The following PRCC variants were observed in gnomAD, a reference collection of about 807,000 sequenced individuals.
PRCC encodes proline rich mitotic checkpoint control factor.
PRCC carries 10 observed loss-of-function variants against 44.0 expected under a neutral mutation model. The observed-to-expected ratio is 0.23, with a 90% CI of 0.14 to 0.39. The LOEUF is 0.39. Among genes scored for constraint, PRCC ranks in the 10% least tolerant of loss-of-function variants. The pLI is 1.00. For missense variants in PRCC, 573 were observed against 624.7 expected (o/e 0.92, Z 0.88); for synonymous variants, 278 against 259.5 (o/e 1.07, Z -0.69).
At chr1:156,782,407 G>A in intron 2 of PRCC, 78 bp downstream of exon 2, 1 of 1,358,906 alleles carries the variant, frequency 7.4e-7, no homozygotes. Flanking sequence ...GTATCCAGCA[G>A]TTTTCAGATT....
At chr1:156,779,782 A>C (rs1333015835) in intron 1 of PRCC, among the ~76,000 whole-genome samples, 1 of 151,790 alleles carries the variant, frequency 6.6e-6, no homozygotes, top group South Asian at 2.1e-4. Context: ...GGGTCTCACT[A>C]TGTTGACCAG....
At chr1:156,771,290 T>C (rs535997366) in intron 1 of PRCC, among the ~76,000 whole-genome samples, 2 of 152,218 alleles carry the variant, frequency 1.3e-5, no homozygotes, top group African/African-American at 2.4e-5. Flanking sequence ...GGCCAGATAA[T>C]GGGCCTTGGA....
chr1:156,776,679 A>G (rs1216242930), intron 1 of PRCC, among the ~76,000 whole-genome samples: 1 of 152,202 alleles, frequency 6.6e-6, no homozygotes, highest in African/African-American at 2.4e-5. Context: ...ATGCTTGTAT[A>G]GTTTTATAAA....
In PRCC at chr1:156,768,224, G is replaced by A. The variant is rs746091036; in HGVS notation, c.453G>A (p.Glu151=). ...AGCCCGTGAAGATCGCGGCGCCGGA[G>A]TTGCATAAGGGAGATGTGAGTATCC... ...RKEPVKIAAP[E]LHKGDSDSEE... The change falls in exon 1 of 7, where the codon GAG becomes GAA. Residue 151 remains glutamate (E), a synonymous_variant. Transcript: ENST00000271526. 5.8e-6 allele frequency: 9 copies of A among 1,538,776 alleles called. No homozygotes were observed. In the South Asian group the frequency reaches 6.0e-5, roughly 10 times the overall value.
At chr1:156,797,377 T>G in intron 6 of PRCC, 36 bp downstream of exon 6, 3 of 1,611,464 alleles carry the variant, frequency 1.9e-6, no homozygotes, top group Non-Finnish European at 2.5e-6. Flanking sequence ...TCAGGCAGGA[T>G]CTCTGTAAAT....
At chr1:156,791,364 T>TAGAGGTA (rs1345734101) in intron 3 of PRCC, 3 of 471,444 alleles carry the variant, frequency 6.4e-6, no homozygotes, top group Non-Finnish European at 1.2e-5. Flanking sequence ...GAGGGCATGG[T>TAGAGGTA]AGAGGTAAGA....
chr1:156,779,701 A>T (rs192357533), intron 1 of PRCC, among the ~76,000 whole-genome samples: 1 of 151,948 alleles, frequency 6.6e-6, no homozygotes, highest in Admixed American at 6.6e-5. Flanking sequence ...CTGTTTTGTA[A>T]AAAATTTCTG....
chr1:156,789,116 C>T (rs1170370876), intron 3 of PRCC, among the ~76,000 whole-genome samples: 1 of 152,052 alleles, frequency 6.6e-6, no homozygotes, highest in African/African-American at 2.4e-5. Flanking sequence ...ATTATATGTG[C>T]CCGCCACCAT....
chr1:156,770,494 C>A (rs1432119039), intron 1 of PRCC, among the ~76,000 whole-genome samples: 1 of 152,266 alleles, frequency 6.6e-6, no homozygotes, highest in Non-Finnish European at 1.5e-5. Flanking sequence ...CCTGCATCAG[C>A]CTCCCGAGTA....
At chr1:156,788,221 G>A (rs1652345235) in intron 3 of PRCC, among the ~76,000 whole-genome samples, 1 of 152,172 alleles carries the variant, frequency 6.6e-6, no homozygotes, top group South Asian at 2.1e-4. Flanking sequence ...TGTATACTCA[G>A]TGTTTAGTTC....
At chr1:156,779,122 ATATATATTTTTTTTTTTTTTTTT>A (rs1360862213) in intron 1 of PRCC, among the ~76,000 whole-genome samples, 2 of 19,708 alleles carry the variant, frequency 1.0e-4, no homozygotes, top group Admixed American at 7.2e-4. Context: ...ATATATATAT[ATATATATTTTTTTTTTTTTTTTT>A]TTTTTTTTTT....
chr1:156,775,169 A>AC (rs1427333917), intron 1 of PRCC, among the ~76,000 whole-genome samples: 1 of 150,874 alleles, frequency 6.6e-6, no homozygotes, highest in African/African-American at 2.4e-5. Context: ...AATGGTGTGA[A>AC]CCCGGGAGGT....
At chr1:156,779,152 T>C (rs1571579070) in intron 1 of PRCC, among the ~76,000 whole-genome samples, 15 of 74,748 alleles carry the variant, frequency 2.0e-4, no homozygotes, top group South Asian at 1.5e-3. Flanking sequence ...TTTTTTTTTT[T>C]TTTTTTTCTT....
At chr1:156,769,182 T>A (rs957337004) in intron 1 of PRCC, among the ~76,000 whole-genome samples, 1 of 152,230 alleles carries the variant, frequency 6.6e-6, no homozygotes, top group Non-Finnish European at 1.5e-5. Context: ...AGGAGCCATT[T>A]CCATTCGTTG....
intron 5 of PRCC, among the ~76,000 whole-genome samples, chr1:156,795,506 C>T (rs377472503): frequency 6.6e-6 from 1 of 152,108 alleles, no homozygotes; most frequent in East Asian, 1.9e-4. Context: ...TCTCGAACTC[C>T]TGGCCTCGAG....
chr1:156,794,758 T>C lies in PRCC; in HGVS notation c.1273T>C (p.Trp425Arg). The C allele has an allele frequency of 6.2e-7, 1 of 1,614,170 alleles. No individual in the cohort carries two copies. Among genetic ancestry groups the C allele is most frequent in the East Asian group, 2.2e-5 (1 of 44,892 alleles). The change falls in exon 5 of 7, where the codon TGG becomes CGG. Residue 425 changes from tryptophan (W) to arginine (R), a missense_variant. By Grantham distance (101) the Trp-to-Arg change is moderately radical. Coordinates refer to ENST00000271526, the MANE Select transcript of PRCC (RefSeq NM_005973.5). The stretch of plus-strand genomic sequence containing the variant: ...TGACCAGCTCAGTGGGGCCCAGCAA[T>C]GGATGACTAAGTCATTGACAGAAGA... ...GDDQLSGAQQ[W>R]MTKSLTEEKT... is the part of the protein sequence containing the mutation.
intron 3 of PRCC, 88 bp downstream of exon 3, chr1:156,787,262 T>C (rs75140027): frequency 0.018 from 25,020 of 1,406,992 alleles, 257 homozygotes; most frequent in Middle Eastern, 0.024. Flanking sequence ...GCCTCTGTGG[T>C]GTCACTTTGG....
intron 2 of PRCC, among the ~76,000 whole-genome samples, chr1:156,785,430 T>A (rs1188952217): frequency 6.6e-6 from 1 of 151,820 alleles, no homozygotes; most frequent in African/African-American, 2.4e-5. Flanking sequence ...AGAGAATTGC[T>A]TGAACCTGGG....
At chr1:156,784,690 T>C (rs140276349) in intron 2 of PRCC, among the ~76,000 whole-genome samples, 194 of 152,352 alleles carry the variant, frequency 1.3e-3, no homozygotes, top group Middle Eastern at 3.4e-3. Flanking sequence ...AAATGTCTTA[T>C]TTACTCTGGG....
Sources: gnomAD v4.1 joint callset for allele counts (sites outside exome capture counted in the v4.1 genomes callset) on GRCh38, gnomAD v4.1.1 for gene constraint, MANE v1.5 for transcripts, NCBI Gene and HGNC (gene_info 2026-07-23, HGNC 2026-07-21) for gene names.